MYL1: variants seen among roughly 807,000 people sequenced by gnomAD.
MYL1 encodes myosin light chain 1/3, skeletal muscle isoform.
Under a neutral mutation model 21.8 loss-of-function variants are expected in MYL1, and 16 were observed. The observed-to-expected ratio is 0.74, with a 90% CI of 0.50 to 1.12. The LOEUF (loss-of-function observed/expected upper bound fraction) is 1.12, where lower values mean the gene tolerates loss of function less well. Ranked by LOEUF, MYL1 falls within the 50% of genes most tolerant of loss-of-function variation. The pLI, the probability that MYL1 is intolerant of heterozygous loss-of-function variation, is 0.00. For missense variants in MYL1, 246 were observed against 241.0 expected, an observed-to-expected ratio of 1.02 and a Z score of -0.14; for synonymous variants, 99 against 85.2, an observed-to-expected ratio of 1.16 and a Z score of -0.89.
Position 210,302,738 on chromosome 2 carries a change from A to G in MYL1, c.133-223T>C, listed in dbSNP as rs767446538. On this transcript the variant is annotated intron_variant, in intron 1 of 6. Coordinates refer to ENST00000352451, the MANE Select transcript of MYL1 (RefSeq NM_079420.3). ...AGAAACTAGGCAGTGCTGTGCCTAC[A>G]TCTGTAGCAGACAAACTCAATTCAC... The G allele has an allele frequency of 2.7e-5, 42 of 1,562,666 alleles. No individual in the cohort carries two copies. In the Middle Eastern group the frequency reaches 5.0e-4, roughly 19 times the overall value.
At chr2:210,297,291 T>C (rs1690188868) in intron 3 of MYL1, among the ~76,000 whole-genome samples, 1 of 152,030 alleles carries the variant, frequency 6.6e-6, no homozygotes, top group Non-Finnish European at 1.5e-5. Flanking sequence ...CAACAGTATA[T>C]AAAAGTTCCC....
chr2:210,302,602 A>T, intron 1 of MYL1, 87 bp from the exon 2 acceptor site: 3 of 1,525,800 alleles, frequency 2.0e-6, no homozygotes, highest in Non-Finnish European at 2.7e-6. Flanking sequence ...TTCCCTGAGT[A>T]ATCTTCAAAG....
intron 2 of MYL1, among the ~76,000 whole-genome samples, chr2:210,300,320 A>G (rs1034860264): frequency 1.3e-4 from 20 of 152,156 alleles, no homozygotes; most frequent in Admixed American, 6.5e-5. Flanking sequence ...TTTTTAACCC[A>G]AAGTTTAGTT....
chr2:210,314,930 A>G lies in MYL1; in HGVS notation c.113T>C (p.Ile38Thr). 2 of 1,613,850 alleles carry G rather than the reference A, an allele frequency of 1.2e-6. No individual in the cohort carries two copies. Among genetic ancestry groups the G allele is most frequent in the Non-Finnish European group, 1.7e-6 (2 of 1,179,834 alleles). ...PAPAKPKEEK[I>T]DLSAIKIEFS... ...AGTTACCTTAATGGCAGAGAGGTCA[A>G]TTTTTTCTTCTTTGGGTTTGGCTGG... is the stretch of plus-strand genomic sequence containing the variant. The change falls in exon 1 of 7, where the codon ATT becomes ACT. Residue 38 changes from isoleucine to threonine, a missense_variant. Physicochemically the swap from Ile to Thr is moderately conservative, Grantham distance 89. Coordinates refer to ENST00000352451, the MANE Select transcript of MYL1 (RefSeq NM_079420.3).
chr2:210,294,432 C>A lies in MYL1; in HGVS notation c.305-14G>T. Reference sequence around the variant, plus strand: ...TGGCATTCAGCTCTGTAAGAAATTGCAATTTTGAGGGTTATTAGCTACCAT... The same window carrying A: ...TGGCATTCAGCTCTGTAAGAAATTGAAATTTTGAGGGTTATTAGCTACCAT... On this transcript the variant is annotated splice_polypyrimidine_tract_variant and intron_variant, in intron 3 of 6. Coordinates refer to ENST00000352451, the MANE Select transcript of MYL1 (RefSeq NM_079420.3). 6.2e-7 allele frequency: 1 copy of A among 1,609,628 alleles called. No homozygotes were observed. The highest frequency in any genetic ancestry group is 1.3e-5 in the African/African-American group (1 of 74,828).
At chr2:210,304,532 A>G (rs1690310863) in intron 1 of MYL1, among the ~76,000 whole-genome samples, 1 of 152,080 alleles carries the variant, frequency 6.6e-6, no homozygotes, top group South Asian at 2.1e-4. Context: ...GGAATACAAA[A>G]TTGTACTTTA....
At chr2:210,297,015 G>GTT (rs1553697493) in intron 3 of MYL1, among the ~76,000 whole-genome samples, 1 of 42,498 alleles carries the variant, frequency 2.4e-5, no homozygotes, top group Non-Finnish European at 5.0e-5. Context: ...GTGTGTGTGT[G>GTT]TACATATATA....
chr2:210,302,802 C>A (rs753066580), intron 1 of MYL1: 2 of 1,558,818 alleles, frequency 1.3e-6, no homozygotes, highest in Non-Finnish European at 1.7e-6. Flanking sequence ...ACTGCAGTGG[C>A]GAAGAAGAGA....
intron 2 of MYL1, among the ~76,000 whole-genome samples, chr2:210,300,840 A>G (rs1435057603): frequency 2.0e-5 from 3 of 152,154 alleles, no homozygotes; most frequent in Admixed American, 1.3e-4. Context: ...ATAGATTCCA[A>G]TAGAGCAGCC....
chr2:210,301,674 C>T (rs909149172), intron 2 of MYL1, among the ~76,000 whole-genome samples: 8 of 152,052 alleles, frequency 5.3e-5, no homozygotes, highest in Non-Finnish European at 1.5e-5. Flanking sequence ...TTCCTCCCTG[C>T]ACTTGCTAAT....
In MYL1 at chr2:210,298,681, A is replaced by C. The variant is rs1012691902; in HGVS notation, c.161-118T>G. ...GTTTTACAACTTCTGCCAACTATGC[A>C]AGTTGTTATCCTGGATTCTCTTTTT... is the stretch of plus-strand genomic sequence containing the variant. On this transcript the variant is annotated intron_variant, in intron 2 of 6. Transcript: ENST00000352451. The C allele has an allele frequency of 1.7e-5, 19 of 1,114,194 alleles. No individual in the cohort carries two copies. In the Admixed American group the frequency reaches 3.8e-4, roughly 22 times the overall value. 69.0% of individuals were successfully genotyped at this position (1,114,194 alleles called of 1,614,324 possible).
intron 1 of MYL1, among the ~76,000 whole-genome samples, chr2:210,307,196 T>C (rs1318506571): frequency 1.3e-5 from 2 of 152,204 alleles, no homozygotes; most frequent in Non-Finnish European, 2.9e-5. Flanking sequence ...CTGGGAAGCG[T>C]AGGCCATTCC....
intron 6 of MYL1, 124 bp from the exon 7 acceptor site, chr2:210,290,591 G>A (rs1690060611): frequency 6.6e-6 from 1 of 152,542 alleles, no homozygotes; most frequent in Non-Finnish European, 1.5e-5. Flanking sequence ...CTTACAAGAT[G>A]AGCCAATTCC....
chr2:210,300,391 T>A (rs1690246554), intron 2 of MYL1, among the ~76,000 whole-genome samples: 1 of 152,148 alleles, frequency 6.6e-6, no homozygotes, highest in African/African-American at 2.4e-5. Flanking sequence ...TGGTTGCCTG[T>A]TTCTTTTTAA....
At chr2:210,294,495 T>C in intron 3 of MYL1, 77 bp from the exon 4 acceptor site, 1 of 1,366,670 alleles carries the variant, frequency 7.3e-7, no homozygotes, top group Non-Finnish European at 1.0e-6. Context: ...CTTGAAAAGT[T>C]ATTCTAGGTT....
chr2:210,299,167 G>T (rs188816404), intron 2 of MYL1, among the ~76,000 whole-genome samples: 35 of 152,250 alleles, frequency 2.3e-4, no homozygotes, highest in Admixed American at 4.6e-4. Flanking sequence ...CGTATAATCA[G>T]TTCAGAAGGA....
chr2:210,292,944 G>A (rs1249310462), intron 5 of MYL1, among the ~76,000 whole-genome samples: 3 of 152,134 alleles, frequency 2.0e-5, no homozygotes, highest in Non-Finnish European at 4.4e-5. Flanking sequence ...AATCAAGATT[G>A]TCAGTGAAGA....
chr2:210,306,647 G>A (rs556945062), intron 1 of MYL1, among the ~76,000 whole-genome samples: 1 of 151,828 alleles, frequency 6.6e-6, no homozygotes, highest in Admixed American at 6.5e-5. Context: ...AAAAACTGTA[G>A]TTTAAAAACT....
chr2:210,299,257 TGC>T (rs990248111), intron 2 of MYL1, among the ~76,000 whole-genome samples: 1 of 152,204 alleles, frequency 6.6e-6, no homozygotes, highest in African/African-American at 2.4e-5. Context: ...TGACATATGT[TGC>T]TATATCAGCT....
Sources: allele counts gnomAD v4.1 joint callset (sites outside exome capture counted in the v4.1 genomes callset), GRCh38; gene constraint gnomAD v4.1.1; transcripts MANE v1.5; gene names NCBI Gene and HGNC (gene_info 2026-07-23, HGNC 2026-07-21).